The following CRYBG2 variants were observed in gnomAD, a reference collection of about 807,000 sequenced individuals.
CRYBG2 encodes the protein crystallin beta-gamma domain containing 2.
CRYBG2 carries 106 observed loss-of-function variants against 153.4 expected under a neutral mutation model. The observed-to-expected ratio is 0.69, with a 90% CI of 0.59 to 0.81. The LOEUF is 0.81. Among genes scored for constraint, CRYBG2 ranks in the 30% least tolerant of loss-of-function variants. CRYBG2 has a pLI of 0.00. For missense variants in CRYBG2, 1,996 were observed against 2,112.0 expected (o/e 0.95, Z 1.08); for synonymous variants, 851 against 877.8 (o/e 0.97, Z 0.54).
rs2073915585 is a variant in CRYBG2, at chr1:26,325,670, C to T, written c.4579-1360G>A. Among the ~76,000 whole-genome samples, 1 of 151,908 alleles carries T rather than the reference C, an allele frequency of 6.6e-6. No individual in the cohort carries two copies. The highest frequency in any genetic ancestry group is 6.6e-5 in the Admixed American group (1 of 15,214). Reference sequence around the variant, plus strand: ...TCACCAGAGCACACAGATGCATGGACACAAATAACCTGATGAGCACAGAAA... The same window carrying T: ...TCACCAGAGCACACAGATGCATGGATACAAATAACCTGATGAGCACAGAAA... On this transcript the variant is annotated intron_variant, in intron 17 of 19. Transcript: ENST00000308182. The surrounding 1 kb of genome is among the most constrained non-coding windows in gnomAD (Gnocchi z 4.1).
rs201181234 is a variant in CRYBG2 at position 26,338,492 on chromosome 1, G to C, written c.3345-15C>G. The C allele has an allele frequency of 6.6e-5, 105 of 1,593,252 alleles. 1 individual carries two copies. The highest frequency in any genetic ancestry group is 6.8e-5 in the Non-Finnish European group (79 of 1,170,308). ...ACAGTAGCCACCTAGGGGAAACAGA[G>C]AGGCTGCTGCACCCTAGCAGAGAGA... On this transcript the variant is annotated splice_polypyrimidine_tract_variant and intron_variant, in intron 6 of 19. Coordinates refer to ENST00000308182, the MANE Select transcript of CRYBG2 (RefSeq NM_001039775.4).
In CRYBG2 at chr1:26,343,893, G is replaced by A. The variant is rs1256209394; in HGVS notation, c.2765C>T (p.Thr922Ile). 4 of 1,528,658 alleles carry A rather than the reference G, an allele frequency of 2.6e-6. No homozygotes were observed. Among genetic ancestry groups the A allele is most frequent in the Non-Finnish European group, 2.6e-6 (3 of 1,135,814 alleles). The allele number at this position is 1,528,658 out of a possible 1,614,324, so 94.7% of individuals were successfully genotyped here. ...SLVPTAKEAS[T>I]PEPLGTKLSA... The stretch of plus-strand genomic sequence containing the variant: ...TAGTTTTGTGCCCAGCGGTTCCGGG[G>A]TGGAGGCCTCCTTGGCGGTAGGCAC... The change falls in exon 2 of 20, where the codon ACC becomes ATC. Residue 922 changes from threonine to isoleucine, a missense_variant. Thr to Ile is a moderately conservative substitution (Grantham distance 89, BLOSUM62 -1). Coordinates refer to ENST00000308182, the MANE Select transcript of CRYBG2 (RefSeq NM_001039775.4). The surrounding 1 kb of genome is among the most constrained non-coding windows in gnomAD (Gnocchi z 4.1).
chr1:26,339,742 A>C (rs1274705636), intron 5 of CRYBG2, among the ~76,000 whole-genome samples: 2 of 80,322 alleles, frequency 2.5e-5, no homozygotes, highest in African/African-American at 7.5e-5. Flanking sequence ...GTCTCAAAAC[A>C]AAAAAAAAAA....
At chr1:26,335,982 CAG>C in intron 14 of CRYBG2, 111 bp downstream of exon 14, 1 of 855,212 alleles carries the variant, frequency 1.2e-6, no homozygotes, top group Non-Finnish European at 1.7e-6. Flanking sequence ...TTGCGCAAGA[CAG>C]AACAGTTCAT....
Position 26,331,569 on chromosome 1 carries a change from A to C in CRYBG2, c.4234T>G (p.Ser1412Ala). Residue 1412 changes from serine (S) to alanine (A), a missense_variant, in exon 15 of 20, where the codon TCT (serine) becomes GCT (alanine). Physicochemically the swap from Ser to Ala is moderately conservative, Grantham distance 99. Coordinates refer to ENST00000308182, the MANE Select transcript of CRYBG2 (RefSeq NM_001039775.4). Reference sequence around the variant, plus strand: ...GTGAGAGTGGGGAACTCGCCCTCAGAGAGAATGTGCTGGTCACCCTCGAAG... The same window carrying C: ...GTGAGAGTGGGGAACTCGCCCTCAGCGAGAATGTGCTGGTCACCCTCGAAG... Reference protein sequence around the residue: ...TNFEGDQHILSEGEFPTLTAM... With the variant: ...TNFEGDQHILAEGEFPTLTAM... 1 of 1,614,154 alleles carries C rather than the reference A, an allele frequency of 6.2e-7. No individual in the cohort carries two copies. Among genetic ancestry groups the C allele is most frequent in the African/African-American group, 1.3e-5 (1 of 75,060 alleles).
rs759193403 is a variant in CRYBG2, at chr1:26,336,882, T to C, written c.3870A>G (p.Gln1290=). 6.2e-7 allele frequency: 1 copy of C among 1,609,306 alleles called. No individual in the cohort carries two copies. The highest frequency in any genetic ancestry group is 8.5e-7 in the Non-Finnish European group (1 of 1,178,212). ...SKALPDVELV[Q]HGPSTQAIHV... is the part of the protein sequence containing the mutation. Reference sequence around the variant, plus strand: ...GGATGGCCTGTGTGCTGGGGCCGTGTTGCACCAGCTCCACATCCGGCAATG... The same window carrying C: ...GGATGGCCTGTGTGCTGGGGCCGTGCTGCACCAGCTCCACATCCGGCAATG... The change falls in exon 11 of 20, where the codon CAA becomes CAG. Residue 1290 remains glutamine (Q), a synonymous_variant. Coordinates refer to ENST00000308182, the MANE Select transcript of CRYBG2 (RefSeq NM_001039775.4). The surrounding 1 kb of genome is among the most constrained non-coding windows in gnomAD (Gnocchi z 4.9).
At position 26,338,368 on chromosome 1, in the gene CRYBG2, G is replaced by T; in HGVS notation, c.3454C>A (p.Leu1152Met). The change falls in exon 7 of 20, where the codon CTG becomes ATG. Residue 1152 changes from leucine (L) to methionine (M), a missense_variant. Physicochemically the swap from Leu to Met is conservative, Grantham distance 15. Coordinates refer to ENST00000308182, the MANE Select transcript of CRYBG2 (RefSeq NM_001039775.4). ...WGTSDPSVGS[L>M]KPMRLGCPSV... is the part of the protein sequence containing the mutation. ...TTCTTTACCAATCTCATGGGCTTCA[G>T]GGAGCCCACGCTGGGGTCCGATGTG... 1 of 1,608,644 alleles carries T rather than the reference G, an allele frequency of 6.2e-7. No homozygotes were observed. Among genetic ancestry groups the T allele is most frequent in the Non-Finnish European group, 8.5e-7 (1 of 1,177,792 alleles).
chr1:26,328,115 G>A, intron 17 of CRYBG2, 94 bp downstream of exon 17: 1 of 1,472,266 alleles, frequency 6.8e-7, no homozygotes, highest in Non-Finnish European at 9.0e-7. Context: ...CACAAATGCT[G>A]TGTTTGGGAA....
intron 5 of CRYBG2, among the ~76,000 whole-genome samples, chr1:26,339,735 TCAAAA>T (rs2074107382): frequency 7.2e-6 from 1 of 138,414 alleles, no homozygotes; most frequent in Non-Finnish European, 1.6e-5. Flanking sequence ...AAACTCCGTC[TCAAAA>T]CAAAAAAAAA....
intron 18 of CRYBG2, 150 bp from the exon 19 acceptor site, chr1:26,322,473 C>CT (rs1156920805): frequency 1.8e-5 from 16 of 900,888 alleles, no homozygotes; most frequent in Non-Finnish European, 2.5e-5. Flanking sequence ...TCAGTTTCCT[C>CT]TCGGGGATGG....
intron 6 of CRYBG2, 108 bp from the exon 7 acceptor site, chr1:26,338,585 G>C: frequency 1.6e-6 from 2 of 1,259,578 alleles, no homozygotes; most frequent in Non-Finnish European, 2.1e-6. Context: ...TTCTGGGGAG[G>C]TTCCCATCAG....
At chr1:26,327,396 G>C (rs2073938119) in intron 17 of CRYBG2, among the ~76,000 whole-genome samples, 1 of 151,844 alleles carries the variant, frequency 6.6e-6, no homozygotes. Flanking sequence ...TGAACCCAGG[G>C]GGCAGAGGTT....
rs949344855 is a variant in CRYBG2, at chr1:26,337,325, C to CT, written c.3698dup (p.Glu1235GlyfsTer12). On this transcript the variant is annotated frameshift_variant, in exon 10 of 20. Coordinates refer to ENST00000308182, the MANE Select transcript of CRYBG2 (RefSeq NM_001039775.4). LOFTEE classifies it high-confidence loss of function. ...AGTGTGACCAGTCTGGGTATTCCCC[C>CT]TCCTCCAGCAGATACTGGTGGCCCC... 3 of 1,613,998 alleles carry CT rather than the reference C, an allele frequency of 1.9e-6. No homozygotes were observed. In the African/African-American group the frequency reaches 4.0e-5, roughly 22 times the overall value.
At position 26,344,976 on chromosome 1, in the gene CRYBG2, G is replaced by C. The variant is rs897810887; in HGVS notation, c.1682C>G (p.Thr561Ser). The change falls in exon 2 of 20, where the codon ACC (threonine) becomes AGC (serine). Residue 561 changes from threonine (T) to serine (S), a missense_variant. By Grantham distance (58) the Thr-to-Ser change is moderately conservative. Transcript: ENST00000308182. ...AGACCCCTGCACCACCTCCTTCTGG[G>C]TGGGGGATGAGGCAGCAGGAGCACC... ...GPGAPAASSP[T>S]QKEVVQGSGA... The C allele has an allele frequency of 2.0e-6, 3 of 1,511,298 alleles. No homozygotes were observed. In the African/African-American group the frequency reaches 4.2e-5, roughly 21 times the overall value. The allele number at this position is 1,511,298 out of a possible 1,614,324, so 93.6% of individuals were successfully genotyped here.
intron 15 of CRYBG2, 149 bp from the exon 16 acceptor site, chr1:26,329,022 C>T (rs1030542472): frequency 3.4e-5 from 33 of 961,276 alleles, no homozygotes; most frequent in African/African-American, 5.0e-5. Context: ...GATTCTTGGA[C>T]GCTGCCAGCC....
chr1:26,346,544 C>G lies in CRYBG2; in HGVS notation c.114G>C (p.Lys38Asn), dbSNP rs775032837. The G allele has an allele frequency of 1.2e-5, 19 of 1,612,492 alleles. 1 individual carries two copies. In the South Asian group the frequency reaches 2.1e-4, roughly 18 times the overall value. The change falls in exon 2 of 20, where the codon AAG becomes AAC. Residue 38 changes from lysine to asparagine, a missense_variant. Transcript: ENST00000308182. The surrounding 1 kb of genome is among the most constrained non-coding windows in gnomAD (Gnocchi z 4.9). ...TQEEIKHGFH[K>N]VSLVSGAQME... The stretch of plus-strand genomic sequence containing the variant: ...TCTGGGCCCCTGACACCAGGGACAC[C>G]TTGTGAAAACCATGTTTGATCTCTT...
chr1:26,322,530 T>C (rs2073872301), intron 18 of CRYBG2, among the ~76,000 whole-genome samples: 1 of 152,156 alleles, frequency 6.6e-6, no homozygotes, highest in African/African-American at 2.4e-5. Context: ...TGAGAAAACA[T>C]AAAAGGGCTG....
rs1303232436 is a variant in CRYBG2 at position 26,328,250 on chromosome 1, T to C, written c.4537A>G (p.Ser1513Gly). ...AGGGAGCCCACCCTCTGGGTGCCGC[T>C]GTAGGTCAGCCAGTTGGTGATCTCG... Reference protein sequence around the residue: ...SCEITNWLTYSGTQRVGSLYP... With the variant: ...SCEITNWLTYGGTQRVGSLYP... The change falls in exon 17 of 20, where the codon AGC (serine) becomes GGC (glycine). Residue 1513 changes from serine (S) to glycine (G), a missense_variant. Transcript: ENST00000308182. 1.3e-6 allele frequency: 2 copies of C among 1,565,274 alleles called. No individual in the cohort carries two copies. The highest frequency in any genetic ancestry group is 1.2e-5 in the South Asian group (1 of 85,132).
In CRYBG2 at chr1:26,346,140, C is replaced by G. The variant is rs560881757; in HGVS notation, c.518G>C (p.Arg173Pro). The G allele has an allele frequency of 1.3e-6, 2 of 1,557,420 alleles. No individual in the cohort carries two copies. The highest frequency in any genetic ancestry group is 2.3e-5 in the South Asian group (2 of 85,120). ...SGSSRSLEEY[R>P]VTRTVRTTTV... is the part of the protein sequence containing the mutation. ...GGTGGTCCGCACAGTGCGTGTCACT[C>G]GGTATTCCTCGAGGCTCCGGGAGCT... Residue 173 changes from arginine (R) to proline (P), a missense_variant, in exon 2 of 20, where the codon CGA becomes CCA. Arg to Pro is a moderately radical substitution (Grantham distance 103). Coordinates refer to ENST00000308182, the MANE Select transcript of CRYBG2 (RefSeq NM_001039775.4). The surrounding 1 kb of genome is among the most constrained non-coding windows in gnomAD (Gnocchi z 4.9).
Sources: allele counts gnomAD v4.1 joint callset (sites outside exome capture counted in the v4.1 genomes callset), GRCh38; gene constraint gnomAD v4.1.1; non-coding constraint Gnocchi (gnomAD v3.1); transcripts MANE v1.5; gene names NCBI Gene and HGNC (gene_info 2026-07-23, HGNC 2026-07-21).